ADAMTSL1: variants seen among roughly 807,000 people sequenced by gnomAD.
The protein encoded by ADAMTSL1 is ADAMTS-like protein 1.
Under a neutral mutation model 201.8 loss-of-function variants are expected in ADAMTSL1, and 126 were observed. The observed-to-expected ratio is 0.62, with a 90% CI of 0.54 to 0.72. The LOEUF (loss-of-function observed/expected upper bound fraction) is 0.72. Among genes scored for constraint, ADAMTSL1 ranks in the 30% least tolerant of loss-of-function variants. The probability of loss-of-function intolerance (pLI) is 0.00; values close to 1 mark genes in which losing one functional copy is unlikely to be tolerated. For synonymous variants in ADAMTSL1, 1,121 were observed against 903.4 expected (o/e 1.24, Z -4.32); for missense variants, 2,679 against 2,277.8 (o/e 1.18, Z -3.59).
At chr9:18,186,418 G>T (rs920133247) in intron 2 of ADAMTSL1, among the ~76,000 whole-genome samples, 1 of 152,106 alleles carries the variant, frequency 6.6e-6, no homozygotes, top group Non-Finnish European at 1.5e-5. Flanking sequence ...GTGAGTAAAT[G>T]CTGGCAATGT....
At chr9:18,563,520 C>T (rs1821675048) in intron 3 of ADAMTSL1, among the ~76,000 whole-genome samples, 1 of 152,336 alleles carries the variant, frequency 6.6e-6, no homozygotes, top group East Asian at 1.9e-4. Context: ...CAGCCTGTCC[C>T]TTAGTAGAGC....
At chr9:18,101,499 A>G (rs1012249301) in intron 1 of ADAMTSL1, among the ~76,000 whole-genome samples, 7 of 148,318 alleles carry the variant, frequency 4.7e-5, no homozygotes, top group African/African-American at 1.7e-4. Context: ...CTCCGTCTCA[A>G]AAAAAAAAAA....
intron 23 of ADAMTSL1, 59 bp from the exon 24 acceptor site, chr9:18,887,772 C>A: frequency 1.4e-6 from 2 of 1,446,520 alleles, no homozygotes; most frequent in Non-Finnish European, 1.9e-6. Flanking sequence ...TAAACCAGTG[C>A]ACCAGCAATG....
intron 23 of ADAMTSL1, among the ~76,000 whole-genome samples, chr9:18,844,844 T>C (rs2082576): frequency 2.0e-5 from 3 of 152,258 alleles, no homozygotes; most frequent in African/African-American, 7.2e-5. Flanking sequence ...CTCCGAGCCA[T>C]GTGCGGGATA....
intron 4 of ADAMTSL1, among the ~76,000 whole-genome samples, chr9:18,584,128 G>A (rs1823305756): frequency 6.6e-6 from 1 of 152,134 alleles, no homozygotes; most frequent in Admixed American, 6.6e-5. Flanking sequence ...TGTTTTGGCT[G>A]TGTCCCCACC....
At chr9:18,012,161 C>T (rs1251726464) in intron 1 of ADAMTSL1, among the ~76,000 whole-genome samples, 8 of 152,028 alleles carry the variant, frequency 5.3e-5, no homozygotes, top group African/African-American at 1.2e-4. Context: ...CCCACCATGG[C>T]AGTGTCTCCC....
At chr9:17,995,049 G>A (rs1819315725) in intron 1 of ADAMTSL1, among the ~76,000 whole-genome samples, 1 of 152,106 alleles carries the variant, frequency 6.6e-6, no homozygotes, top group South Asian at 2.1e-4. Flanking sequence ...AGAACGTGTG[G>A]CTTAGCACTA....
chr9:17,933,619 A>G (rs1214976392), intron 1 of ADAMTSL1, among the ~76,000 whole-genome samples: 1 of 152,156 alleles, frequency 6.6e-6, no homozygotes, highest in Non-Finnish European at 1.5e-5. Flanking sequence ...TGCAGGAACT[A>G]TAGGAAGCAT....
chr9:18,223,682 T>C (rs564215428), intron 2 of ADAMTSL1, among the ~76,000 whole-genome samples: 2 of 152,150 alleles, frequency 1.3e-5, no homozygotes, highest in Non-Finnish European at 2.9e-5. Flanking sequence ...TTGAACTATA[T>C]TAAATATATC....
At chr9:18,511,573 A>G (rs1220558572) in intron 2 of ADAMTSL1, among the ~76,000 whole-genome samples, 2 of 152,162 alleles carry the variant, frequency 1.3e-5, no homozygotes, top group Admixed American at 1.3e-4. Flanking sequence ...GAATGGTGTC[A>G]ACATAAATAC....
intron 2 of ADAMTSL1, among the ~76,000 whole-genome samples, chr9:18,428,828 A>G (rs1258574929): frequency 6.6e-6 from 1 of 152,218 alleles, no homozygotes; most frequent in African/African-American, 2.4e-5. Flanking sequence ...TGTAATCCAT[A>G]AAAGGCCATT....
Position 18,865,252 on chromosome 9 carries a change from C to G in ADAMTSL1, c.4250-22579C>G, listed in dbSNP as rs1037297904. Among the ~76,000 whole-genome samples, 5 of 152,018 alleles carry G rather than the reference C, an allele frequency of 3.3e-5. No individual in the cohort carries two copies. The South Asian group carries it at 1.0e-3, about 32-fold the overall frequency. ...TCCCCTTCCTGTGTCCAAGTGTTCT[C>G]ATTGTTCAATTCCCACCTATGAGTG... On this transcript the variant is annotated intron_variant, in intron 23 of 28. Transcript: ENST00000380548.
chr9:18,718,599 G>A (rs1401142899), intron 14 of ADAMTSL1: 15 of 399,362 alleles, frequency 3.8e-5, no homozygotes, highest in South Asian at 5.7e-5. Context: ...CACTCCCTCC[G>A]GGTTGCTACT....
chr9:18,807,705 G>T (rs945827967), intron 20 of ADAMTSL1, among the ~76,000 whole-genome samples: 8 of 151,408 alleles, frequency 5.3e-5, no homozygotes, highest in Non-Finnish European at 1.5e-5. Context: ...GAGGCGCGGC[G>T]CATTCAGTGG....
At chr9:18,132,745 G>A (rs1826003365) in intron 1 of ADAMTSL1, among the ~76,000 whole-genome samples, 1 of 151,928 alleles carries the variant, frequency 6.6e-6, no homozygotes, top group Non-Finnish European at 1.5e-5. Flanking sequence ...CTGGAGTACT[G>A]TAAGCTTCTC....
chr9:18,777,533 G>T lies in ADAMTSL1; in HGVS notation c.3304G>T (p.Ala1102Ser). Reference protein sequence around the residue: ...LRDLYSKHLVAQLAQEIFRSH... With the variant: ...LRDLYSKHLVSQLAQEIFRSH... ...CGACCTCTACAGCAAGCACCTGGTG[G>T]CCCAGCTGGCCCAGGAGATCTTCCG... The change falls in exon 19 of 29, where the codon GCC becomes TCC. Residue 1102 changes from alanine (A) to serine (S), a missense_variant. Transcript: ENST00000380548. The T allele has an allele frequency of 6.2e-7, 1 of 1,601,708 alleles. No individual in the cohort carries two copies. Among genetic ancestry groups the T allele is most frequent in the Non-Finnish European group, 8.5e-7 (1 of 1,174,608 alleles).
At chr9:18,832,577 A>G (rs190056750) in intron 23 of ADAMTSL1, among the ~76,000 whole-genome samples, 21 of 152,320 alleles carry the variant, frequency 1.4e-4, no homozygotes, top group Non-Finnish European at 1.9e-4. Context: ...TTTTGAGGAT[A>G]ACAGAATTCT....
intron 1 of ADAMTSL1, among the ~76,000 whole-genome samples, chr9:18,151,368 T>C (rs954514921): frequency 1.3e-5 from 2 of 152,070 alleles, no homozygotes; most frequent in Admixed American, 1.3e-4. Context: ...TTTTAGCTAA[T>C]TCACAGTTTC....
intron 1 of ADAMTSL1, among the ~76,000 whole-genome samples, chr9:17,926,554 G>C (rs1355313348): frequency 5.3e-5 from 8 of 152,176 alleles, no homozygotes; most frequent in Admixed American, 4.6e-4. Flanking sequence ...ACTCAGAGGT[G>C]ACACAGGACA....
Sources: allele counts gnomAD v4.1 joint callset (sites outside exome capture counted in the v4.1 genomes callset), GRCh38; gene constraint gnomAD v4.1.1; transcripts MANE v1.5; gene names NCBI Gene and HGNC (gene_info 2026-07-23, HGNC 2026-07-21).